The following DPEP1 variants were observed in gnomAD, a reference collection of about 807,000 sequenced individuals.
DPEP1 encodes the protein beta-lactamase.
A neutral mutation model predicts 42.3 loss-of-function variants in DPEP1; 50 were observed. The observed-to-expected ratio is 1.18, with a 90% CI of 0.94 to 1.50. The LOEUF is 1.50. Ranked by LOEUF, DPEP1 falls within the 40% of genes most tolerant of loss-of-function variation. The pLI is 0.00. For synonymous variants in DPEP1, 297 were observed against 234.0 expected (o/e 1.27, Z -2.46); for missense variants, 663 against 553.0 (o/e 1.20, Z -1.99).
intron 1 of DPEP1, among the ~76,000 whole-genome samples, chr16:89,628,475 C>T (rs1391633281): frequency 1.3e-5 from 2 of 150,800 alleles, no homozygotes; most frequent in African/African-American, 4.9e-5. Context: ...CCAGGCTGAT[C>T]TCGAACTCCT....
At chr16:89,623,739 G>C (rs2059473371) in intron 1 of DPEP1, among the ~76,000 whole-genome samples, 7 of 152,110 alleles carry the variant, frequency 4.6e-5, no homozygotes. Context: ...AGAAAGCCAG[G>C]ACAGGAGGCA....
Position 89,630,366 on chromosome 16 carries a change from G to GAGGC in DPEP1, c.-43_-40dup. 6.5e-7 allele frequency: 1 copy of GAGGC among 1,538,986 alleles called. No individual in the cohort carries two copies. The highest frequency in any genetic ancestry group is 8.9e-7 in the Non-Finnish European group (1 of 1,119,452). On this transcript the variant is annotated 5_prime_UTR_variant, in exon 2 of 11. Coordinates refer to ENST00000690203, the MANE Select transcript of DPEP1 (RefSeq NM_001389466.1). ...TGCACGGGCCAGCCAGGCCAGCACAGAGGCACCAGGGCAGCAGTGCACACA... is the reference window on the plus strand; with the variant it reads ...TGCACGGGCCAGCCAGGCCAGCACAGAGGCAGGCACCAGGGCAGCAGTGCACACA...
At chr16:89,627,196 C>T (rs1412775735) in intron 1 of DPEP1, among the ~76,000 whole-genome samples, 2 of 149,754 alleles carry the variant, frequency 1.3e-5, no homozygotes, top group Non-Finnish European at 3.0e-5. Context: ...TGGCATGAAC[C>T]CGGGAGGCAG....
chr16:89,623,230 G>A (rs1383052266), intron 1 of DPEP1, among the ~76,000 whole-genome samples: 2 of 152,070 alleles, frequency 1.3e-5, no homozygotes, highest in East Asian at 3.9e-4. Context: ...TGAGGTGGGA[G>A]GATCGCTTGA....
intron 2 of DPEP1, among the ~76,000 whole-genome samples, chr16:89,633,916 C>T (rs915917802): frequency 2.6e-5 from 4 of 152,110 alleles, no homozygotes; most frequent in Middle Eastern, 3.2e-3. Flanking sequence ...GACTGAGGCC[C>T]CAGACCCAGT....
rs746705165 is a variant in DPEP1 at position 89,638,134 on chromosome 16, ACTC to A, written c.1152_1154del (p.Ser385del). On this transcript the variant is annotated inframe_deletion, in exon 11 of 11. Coordinates refer to ENST00000690203, the MANE Select transcript of DPEP1 (RefSeq NM_001389466.1). ...GGCTCCTGCAGGACCCATTACGGCT[ACTC>A]CTCTGGGGCTTCCAGCCTCCATCGC... The A allele has an allele frequency of 1.4e-4, 230 of 1,611,566 alleles. No individual in the cohort carries two copies. The South Asian group carries it at 2.4e-3, about 17-fold the overall frequency.
At position 89,637,637 on chromosome 16, in the gene DPEP1, C is replaced by G. The variant is rs2059700501; in HGVS notation, c.859C>G (p.Leu287Val). Reference protein sequence around the residue: ...KANLSQVADHLDHIKEVAGAR... With the variant: ...KANLSQVADHVDHIKEVAGAR... ...ACCTGCTGCTCCCTGGACAGACCAT[C>G]TGGATCACATCAAGGAGGTGGCAGG... Residue 287 changes from leucine (L) to valine (V), a missense_variant, in exon 9 of 11, where the codon CTG becomes GTG. Coordinates refer to ENST00000690203, the MANE Select transcript of DPEP1 (RefSeq NM_001389466.1). The G allele has an allele frequency of 6.2e-7, 1 of 1,612,844 alleles. No individual in the cohort carries two copies. Among genetic ancestry groups the G allele is most frequent in the African/African-American group, 1.3e-5 (1 of 74,946 alleles).
intron 1 of DPEP1, among the ~76,000 whole-genome samples, chr16:89,622,025 A>T (rs2059452460): frequency 6.6e-6 from 1 of 152,110 alleles, no homozygotes. Flanking sequence ...ATCACTGTCG[A>T]GGCTGTCACC....
chr16:89,636,889 C>G lies in DPEP1; in HGVS notation c.545C>G (p.Thr182Arg). 1.2e-6 allele frequency: 2 copies of G among 1,612,532 alleles called. No individual in the cohort carries two copies. Among genetic ancestry groups the G allele is most frequent in the Non-Finnish European group, 1.7e-6 (2 of 1,179,926 alleles). Residue 182 changes from threonine (T) to arginine (R), a missense_variant, in exon 6 of 11, where the codon ACG becomes AGG. By Grantham distance (71) the Thr-to-Arg change is moderately conservative. Transcript: ENST00000690203. ...AGGGCTGACAACTGGCTGGTGGACA[C>G]GGGAGACAGCGAGCCCCAGAGCCAA... is the stretch of plus-strand genomic sequence containing the variant. ...TPWADNWLVD[T>R]GDSEPQSQGL...
In DPEP1 at chr16:89,638,040, G is replaced by T. The variant is rs1277173749; in HGVS notation, c.1066-12G>T. ...CAGGCAGGCTGCCCCACCCGTGTCT[G>T]TCTGTCCCCAGGCCAGCAACCTCAC... is the stretch of plus-strand genomic sequence containing the variant. On this transcript the variant is annotated splice_polypyrimidine_tract_variant and intron_variant, in intron 10 of 10. Coordinates refer to ENST00000690203, the MANE Select transcript of DPEP1 (RefSeq NM_001389466.1). The T allele has an allele frequency of 1.9e-5, 31 of 1,611,608 alleles. No individual in the cohort carries two copies. The highest frequency in any genetic ancestry group is 2.5e-5 in the Non-Finnish European group (30 of 1,179,566).
At chr16:89,625,353 G>A (rs1246048813) in intron 1 of DPEP1, among the ~76,000 whole-genome samples, 3 of 152,112 alleles carry the variant, frequency 2.0e-5, no homozygotes, top group South Asian at 2.1e-4. Context: ...TACCAGGCTC[G>A]TTTTAACCGT....
At chr16:89,622,252 C>T (rs892567126) in intron 1 of DPEP1, among the ~76,000 whole-genome samples, 17 of 152,160 alleles carry the variant, frequency 1.1e-4, no homozygotes. Flanking sequence ...CTCCCTAAGC[C>T]TCACTATGGC....
At position 89,637,229 on chromosome 16, in the gene DPEP1, T is replaced by TG; in HGVS notation, c.622dup (p.Val208GlyfsTer43). The TG allele has an allele frequency of 6.2e-7, 1 of 1,612,668 alleles. No individual in the cohort carries two copies. The highest frequency in any genetic ancestry group is 8.5e-7 in the Non-Finnish European group (1 of 1,179,914). Reference sequence around the variant, plus strand: ...CGTGTGGTGAAGGAGCTGAACCGTCTGGGGGTCCTCATCGACTTGGCTCAC... The same window carrying TG: ...CGTGTGGTGAAGGAGCTGAACCGTCTGGGGGGTCCTCATCGACTTGGCTCAC... On this transcript the variant is annotated frameshift_variant, in exon 7 of 11. Transcript: ENST00000690203. LOFTEE classifies it high-confidence loss of function.
At chr16:89,616,269 G>A (rs2059378489) in intron 1 of DPEP1, among the ~76,000 whole-genome samples, 1 of 152,096 alleles carries the variant, frequency 6.6e-6, no homozygotes, top group Non-Finnish European at 1.5e-5. Context: ...CGAAACAGGA[G>A]AGGCTGGGAC....
intron 1 of DPEP1, among the ~76,000 whole-genome samples, chr16:89,621,322 G>T (rs2059444318): frequency 6.6e-6 from 1 of 151,918 alleles, no homozygotes; most frequent in African/African-American, 2.4e-5. Context: ...GGTGAGGAGG[G>T]ATGTGGGGAA....
chr16:89,637,042 T>C, intron 6 of DPEP1, 107 bp downstream of exon 6: 1 of 1,536,852 alleles, frequency 6.5e-7, no homozygotes, highest in Non-Finnish European at 8.8e-7. Context: ...TCCTTGTCTG[T>C]AAAATGGAGC....
intron 2 of DPEP1, among the ~76,000 whole-genome samples, chr16:89,631,177 CG>C (rs2059583182): frequency 6.6e-6 from 1 of 152,090 alleles, no homozygotes; most frequent in East Asian, 1.9e-4. Context: ...TGCCTTCTCC[CG>C]GGGGGAGGCC....
At position 89,638,359 on chromosome 16, in the gene DPEP1, TG is replaced by T. The variant is rs1276784931; in HGVS notation, c.*143del. The T allele has an allele frequency of 8.4e-6, 12 of 1,423,728 alleles. No homozygotes were observed. Among genetic ancestry groups the T allele is most frequent in the Admixed American group, 3.0e-5 (1 of 33,382 alleles). 88.2% of individuals were successfully genotyped at this position (1,423,728 alleles called of 1,614,324 possible). A position where few individuals can be genotyped will look rare whatever the true frequency, so the allele number is the denominator to read the frequency against. Reference sequence around the variant, plus strand: ...TCCTGAGAGGACGCCTGGGCTTACCTGGGGGGCAGGATGCCTGGGGACAGTT... The same window carrying T: ...TCCTGAGAGGACGCCTGGGCTTACCTGGGGGCAGGATGCCTGGGGACAGTT... On this transcript the variant is annotated 3_prime_UTR_variant, in exon 11 of 11. Transcript: ENST00000690203.
At chr16:89,640,481 G>A, downstream of DPEP1, 1 of 849,226 alleles carries the variant, frequency 1.2e-6, no homozygotes, top group Non-Finnish European at 1.4e-6. Context: ...CGGGGTCCAT[G>A]CCCTTCCATG....
Sources: allele counts gnomAD v4.1 joint callset (sites outside exome capture counted in the v4.1 genomes callset), GRCh38; gene constraint gnomAD v4.1.1; transcripts MANE v1.5; gene names NCBI Gene and HGNC (gene_info 2026-07-23, HGNC 2026-07-21).